The following USP9X variants were observed in gnomAD, a reference collection of about 807,000 sequenced individuals.
The protein encoded by USP9X is ubiquitin carboxyl-terminal hydrolase 9X.
USP9X carries 7 observed loss-of-function variants against 190.3 expected under a neutral mutation model. The ratio of observed to expected loss-of-function variants is 0.04; its 90% CI spans 0.02 to 0.07. The LOEUF (loss-of-function observed/expected upper bound fraction) is 0.07, where lower values mean the gene tolerates loss of function less well. Ranked by LOEUF, USP9X falls within the 10% of genes least tolerant of loss-of-function variation. The pLI, the probability that USP9X is intolerant of heterozygous loss-of-function variation, is 1.00. For synonymous variants in USP9X, 645 were observed against 659.5 expected, an observed-to-expected ratio of 0.98 and a Z score of 0.34; for missense variants, 1,010 against 1,916.9, an observed-to-expected ratio of 0.53 and a Z score of 8.83.
intron 14 of USP9X, among the ~76,000 whole-genome samples, chrX:41,157,262 A>T (rs1032597198): frequency 9.0e-6 from 1 of 111,286 alleles, no homozygotes; most frequent in Non-Finnish European, 1.9e-5. Context: ...TCCTTGCTGG[A>T]GTGATTGAGA....
chrX:41,125,670 ACACACACACACACACTCTCTCT>A (rs1376855207), intron 2 of USP9X, among the ~76,000 whole-genome samples: 14 of 58,887 alleles, frequency 2.4e-4, no homozygotes, highest in Non-Finnish European at 2.5e-4. Flanking sequence ...ACACACACAC[ACACACACACACACACTCTCTCT>A]CTCTCTCTCT....
intron 16 of USP9X, 22 bp from the exon 17 acceptor site, chrX:41,167,460 A>G (rs1407841791): frequency 8.6e-7 from 1 of 1,162,996 alleles, no homozygotes; most frequent in Admixed American, 2.2e-5. Flanking sequence ...AGGGATGAAT[A>G]CTTTTATCAT....
At chrX:41,191,496 A>G (rs932107275) in intron 26 of USP9X, among the ~76,000 whole-genome samples, 6 of 111,685 alleles carry the variant, frequency 5.4e-5, no homozygotes, top group Non-Finnish European at 1.1e-4. Flanking sequence ...TAATCCGTAT[A>G]GCAACTCAGA....
chrX:41,204,306 C>T (rs1348767238), intron 31 of USP9X, among the ~76,000 whole-genome samples: 1 of 111,517 alleles, frequency 9.0e-6, no homozygotes, highest in Non-Finnish European at 1.9e-5. Flanking sequence ...GATATTAACT[C>T]CATATCAGAT....
chrX:41,114,944 C>T lies in USP9X; in HGVS notation c.-158-8527C>T, dbSNP rs188982024. On this transcript the variant is annotated intron_variant, in intron 1 of 44. Transcript: ENST00000378308. ...GAGGAATCAAAAGTTATTTATGGGC[C>T]GGGCGCAGTGGCTTATGCCTGTAAT... is the stretch of plus-strand genomic sequence containing the variant. Among the ~76,000 whole-genome samples, 53 of 110,081 alleles carry T rather than the reference C, an allele frequency of 4.8e-4. No homozygotes were observed. The East Asian group carries it at 8.9e-3, about 18-fold the overall frequency.
At chrX:41,136,721 G>T in intron 5 of USP9X, 83 bp from the exon 6 acceptor site, 2 of 667,288 alleles carry the variant, frequency 3.0e-6, no homozygotes, top group Non-Finnish European at 4.7e-6. Flanking sequence ...TATTTGTTAG[G>T]ATACGATTAA....
Position 41,216,510 on chromosome X carries a change from T to G in USP9X, c.5943T>G (p.Ile1981Met). The G allele has an allele frequency of 2.5e-6, 3 of 1,211,595 alleles. No individual in the cohort carries two copies. The highest frequency in any genetic ancestry group is 3.4e-6 in the Non-Finnish European group (3 of 895,510). The change falls in exon 35 of 45, where the codon ATT (isoleucine) becomes ATG (methionine). Residue 1981 changes from isoleucine to methionine, a missense_variant. Ile to Met is a conservative substitution (Grantham distance 10). This residue lies in a region of USP9X where 31 missense variants were observed against 27.2 expected (regional missense o/e 1.14). Coordinates refer to ENST00000378308, the MANE Select transcript of USP9X (RefSeq NM_001039591.3). ...ELAITTRPHQ[I>M]IMPSAIERSV... The stretch of plus-strand genomic sequence containing the variant: ...CTATCACCACCAGACCTCATCAGAT[T>G]ATTATGCCATCAGCCATTGAGAGAA...
intron 38 of USP9X, among the ~76,000 whole-genome samples, chrX:41,219,954 C>T (rs2063246032): frequency 8.9e-6 from 1 of 112,037 alleles, no homozygotes; most frequent in Non-Finnish European, 1.9e-5. Flanking sequence ...CACTGCACTC[C>T]AGCCTGGGCA....
chrX:41,189,635 A>C, intron 26 of USP9X, 160 bp downstream of exon 26: 6 of 442,051 alleles, frequency 1.4e-5, no homozygotes, highest in East Asian at 4.1e-5. Flanking sequence ...CTTAACCTAA[A>C]TGTTTGGTTT....
At chrX:41,134,671 A>G (rs2062355920) in intron 4 of USP9X, 54 bp from the exon 5 acceptor site, 30 of 1,073,722 alleles carry the variant, frequency 2.8e-5, no homozygotes, top group Non-Finnish European at 3.9e-5. Context: ...TGGACAATGT[A>G]AAAACAACCA....
intron 11 of USP9X, among the ~76,000 whole-genome samples, chrX:41,147,924 C>T (rs1260431237): frequency 9.0e-6 from 1 of 111,461 alleles, no homozygotes; most frequent in Non-Finnish European, 1.9e-5. Context: ...TTGGGAAGTA[C>T]AAGAGGCATG....
At chrX:41,158,267 G>T (rs921661724) in intron 14 of USP9X, among the ~76,000 whole-genome samples, 2 of 111,267 alleles carry the variant, frequency 1.8e-5, no homozygotes, top group Non-Finnish European at 3.8e-5. Context: ...TGCAAATAGG[G>T]TAAATGCAAA....
At chrX:41,146,197 A>G (rs73480422) in intron 11 of USP9X, among the ~76,000 whole-genome samples, 113 of 111,820 alleles carry the variant, frequency 1.0e-3, no homozygotes, top group African/African-American at 3.5e-3. Context: ...GATAGTCTAA[A>G]TACAATAATG....
intron 1 of USP9X, among the ~76,000 whole-genome samples, chrX:41,108,653 T>C (rs2062086743): frequency 8.9e-6 from 1 of 111,747 alleles, no homozygotes; most frequent in Non-Finnish European, 1.9e-5. Context: ...TTAAGACAAC[T>C]TCAGAACTCT....
chrX:41,120,726 C>T (rs993267795), intron 1 of USP9X, among the ~76,000 whole-genome samples: 1 of 110,832 alleles, frequency 9.0e-6, no homozygotes, highest in Non-Finnish European at 1.9e-5. Flanking sequence ...TCTTGATCTC[C>T]TGACCTCATG....
chrX:41,153,499 T>TA (rs775280545), intron 14 of USP9X, among the ~76,000 whole-genome samples: 63 of 112,414 alleles, frequency 5.6e-4, no homozygotes, highest in Non-Finnish European at 1.0e-3. Flanking sequence ...TCCATGAATT[T>TA]AAAAAACATA....
At chrX:41,223,558 C>T (rs1319313488) in intron 39 of USP9X, among the ~76,000 whole-genome samples, 156 bp downstream of exon 39, 2 of 111,549 alleles carry the variant, frequency 1.8e-5, no homozygotes, top group Non-Finnish European at 3.8e-5. Flanking sequence ...CTGCCTCAGC[C>T]TCCCAAGTAG....
chrX:41,132,826 T>G (rs1164144399), intron 4 of USP9X, among the ~76,000 whole-genome samples: 3 of 110,695 alleles, frequency 2.7e-5, no homozygotes, highest in Non-Finnish European at 5.7e-5. Context: ...TCTCAGTTTT[T>G]GTTTAACCAG....
chrX:41,175,487 T>C (rs1308351397), intron 21 of USP9X, among the ~76,000 whole-genome samples: 5 of 109,472 alleles, frequency 4.6e-5, no homozygotes, highest in African/African-American at 1.7e-4. Context: ...CAAGCCACTG[T>C]ACTCCAGCCT....
Sources: allele counts gnomAD v4.1 joint callset (sites outside exome capture counted in the v4.1 genomes callset), GRCh38; gene constraint gnomAD v4.1.1; regional missense constraint gnomAD v4.1.1; transcripts MANE v1.5; gene names NCBI Gene and HGNC (gene_info 2026-07-23, HGNC 2026-07-21).